Variants in CD99L2 observed in about 807,000 individuals in gnomAD.
CD99L2 encodes CD99 antigen-like protein 2.
Under a neutral mutation model 27.3 loss-of-function variants are expected in CD99L2, and 24 were observed. The observed-to-expected ratio is 0.88, with a 90% CI of 0.64 to 1.24. The LOEUF (loss-of-function observed/expected upper bound fraction) is 1.24, where lower values mean the gene tolerates loss of function less well. CD99L2 is among the 50% of genes most tolerant of loss of function. CD99L2 has a pLI of 0.00. For missense variants in CD99L2, 255 were observed against 221.6 expected, an observed-to-expected ratio of 1.15 and a Z score of -0.96; for synonymous variants, 97 against 87.9, an observed-to-expected ratio of 1.10 and a Z score of -0.58.
chrX:150,778,685 AAT>A (rs374603167), intron 7 of CD99L2, among the ~76,000 whole-genome samples: 1,479 of 81,453 alleles, frequency 0.018, 16 homozygotes, highest in South Asian at 0.03. Flanking sequence ...AAAAAAAAAA[AAT>A]ATATATATAT....
At chrX:150,785,936 T>C (rs1242504652) in intron 7 of CD99L2, among the ~76,000 whole-genome samples, 1 of 111,932 alleles carries the variant, frequency 8.9e-6, no homozygotes, top group Non-Finnish European at 1.9e-5. Context: ...GATCAAGCAA[T>C]GAGCATTCTT....
intron 2 of CD99L2, among the ~76,000 whole-genome samples, chrX:150,827,402 T>G (rs189067352): frequency 9.0e-6 from 1 of 111,381 alleles, no homozygotes; most frequent in African/African-American, 3.3e-5. Flanking sequence ...CCAGAGACAC[T>G]GGCTGATGGG....
intron 10 of CD99L2, among the ~76,000 whole-genome samples, chrX:150,769,620 G>GAA (rs2043380052): frequency 9.2e-6 from 1 of 109,252 alleles, no homozygotes; most frequent in South Asian, 3.7e-4. Context: ...AGTCCCCACG[G>GAA]CTGCTGCACT....
intron 1 of CD99L2, among the ~76,000 whole-genome samples, chrX:150,887,378 G>A (rs782499096): frequency 3.7e-5 from 4 of 109,484 alleles, no homozygotes; most frequent in Non-Finnish European, 7.6e-5. Context: ...CCCGGGAGGC[G>A]GAGGTTGCAG....
intron 1 of CD99L2, among the ~76,000 whole-genome samples, chrX:150,838,294 T>G (rs2046564062): frequency 8.9e-6 from 1 of 112,085 alleles, no homozygotes; most frequent in Non-Finnish European, 1.9e-5. Context: ...GATTGGATCC[T>G]GGATTGGATT....
chrX:150,824,687 G>GA (rs2046341486), intron 2 of CD99L2, among the ~76,000 whole-genome samples: 1 of 73,051 alleles, frequency 1.4e-5, no homozygotes, highest in African/African-American at 5.3e-5. Flanking sequence ...AGAAGAAGAA[G>GA]AGGAAGAGGA....
At chrX:150,838,917 A>AAAGG (rs2046577043) in intron 1 of CD99L2, among the ~76,000 whole-genome samples, 3 of 63,750 alleles carry the variant, frequency 4.7e-5, no homozygotes, top group Non-Finnish European at 5.6e-5. Context: ...AAAAAAAAAA[A>AAAGG]TGGGGGGGGG....
chrX:150,851,435 A>G (rs1339992382), intron 1 of CD99L2, among the ~76,000 whole-genome samples: 1 of 112,273 alleles, frequency 8.9e-6, no homozygotes, highest in East Asian at 2.8e-4. Context: ...GCTGAGGCTC[A>G]GATAGATGCA....
intron 9 of CD99L2, among the ~76,000 whole-genome samples, chrX:150,773,407 A>G (rs782651735): frequency 6.2e-5 from 7 of 113,208 alleles, no homozygotes; most frequent in Admixed American, 3.7e-4. Context: ...GAGGAACTAC[A>G]GACCTGTAGT....
At chrX:150,789,923 A>T (rs1395183661) in intron 7 of CD99L2, among the ~76,000 whole-genome samples, 1 of 111,775 alleles carries the variant, frequency 8.9e-6, no homozygotes, top group Non-Finnish European at 1.9e-5. Context: ...ATTCATATTC[A>T]CTCCAGACTG....
intron 1 of CD99L2, among the ~76,000 whole-genome samples, chrX:150,896,119 G>A (rs907384993): frequency 1.8e-5 from 2 of 110,059 alleles, no homozygotes; most frequent in Non-Finnish European, 3.8e-5. Flanking sequence ...TAAACAATAA[G>A]CTGGGCGTGG....
At chrX:150,844,851 CCCGGTCACTGACAGGGT>C (rs11274941) in intron 1 of CD99L2, among the ~76,000 whole-genome samples, 30,780 of 109,183 alleles carry the variant, frequency 0.28, 3,440 homozygotes, top group African/African-American at 0.41. Context: ...TGACAGGGCA[CCCGGTCACTGACAGGGT>C]GACTCTTCCA....
At chrX:150,776,023 T>G in intron 9 of CD99L2, 151 bp downstream of exon 9, 2 of 760,182 alleles carry the variant, frequency 2.6e-6, no homozygotes, top group East Asian at 6.7e-5. Context: ...CCCAGGGATT[T>G]CCAAAACTGT....
At chrX:150,784,670 G>A (rs2045567153) in intron 7 of CD99L2, among the ~76,000 whole-genome samples, 1 of 112,506 alleles carries the variant, frequency 8.9e-6, no homozygotes, top group Non-Finnish European at 1.9e-5. Context: ...GCTCACCCTG[G>A]CTTCGCCAAT....
At chrX:150,769,775 T>C (rs1321786692) in intron 10 of CD99L2, among the ~76,000 whole-genome samples, 3 of 108,251 alleles carry the variant, frequency 2.8e-5, no homozygotes, top group Non-Finnish European at 3.8e-5. Flanking sequence ...CCTCGAGCAG[T>C]TGGGCACTCT....
At chrX:150,862,988 T>C (rs1030555881) in intron 1 of CD99L2, among the ~76,000 whole-genome samples, 8 of 112,812 alleles carry the variant, frequency 7.1e-5, no homozygotes, top group African/African-American at 2.6e-4. Flanking sequence ...CCTGTTCTGC[T>C]AAACCTTTAA....
chrX:150,824,046 A>G lies in CD99L2; in HGVS notation c.130+7185T>C, dbSNP rs188820148. Among the ~76,000 whole-genome samples, 477 of 85,621 alleles carry G rather than the reference A, an allele frequency of 5.6e-3. 8 individuals carry two copies. The highest frequency in any genetic ancestry group is 0.019 in the African/African-American group (443 of 23,013). 74.4% of individuals were successfully genotyped at this position (85,621 alleles called of 115,157 possible). ...AGGAAGAGGAGGAGGAGGAGGAGGA[A>G]GAAGAAGAGGAGGAGGAAGAGGAGG... is the stretch of plus-strand genomic sequence containing the variant. On this transcript the variant is annotated intron_variant, in intron 2 of 10. Coordinates refer to ENST00000370377, the MANE Select transcript of CD99L2 (RefSeq NM_031462.4).
rs1213423008 is a variant in CD99L2, at chrX:150,844,211, T to A, written c.68-12918A>T. On this transcript the variant is annotated intron_variant, in intron 1 of 10. Coordinates refer to ENST00000370377, the MANE Select transcript of CD99L2 (RefSeq NM_031462.4). ...AAAGACCTCACCTGATGCAGCTGCT[T>A]GCAAAGACTTGCCTTTCCCCTGCCC... Among the ~76,000 whole-genome samples, 3 of 112,309 alleles carry A rather than the reference T, an allele frequency of 2.7e-5. No homozygotes were observed. The East Asian group carries it at 8.4e-4, about 31-fold the overall frequency.
intron 4 of CD99L2, among the ~76,000 whole-genome samples, 156 bp from the exon 5 acceptor site, chrX:150,795,642 G>C (rs1269139151): frequency 8.9e-6 from 1 of 112,054 alleles, no homozygotes; most frequent in African/African-American, 3.2e-5. Flanking sequence ...GGATGACAAA[G>C]AGATATAAAA....
Sources: allele counts gnomAD v4.1 joint callset (sites outside exome capture counted in the v4.1 genomes callset), GRCh38; gene constraint gnomAD v4.1.1; transcripts MANE v1.5; gene names NCBI Gene and HGNC (gene_info 2026-07-23, HGNC 2026-07-21).